CHST8: variants seen among roughly 807,000 people sequenced by gnomAD.
The protein encoded by CHST8 is carbohydrate sulfotransferase 8.
In CHST8, 10 loss-of-function variants were observed where a neutral mutation model predicts 15.0. The ratio of observed to expected loss-of-function variants is 0.67; its 90% CI spans 0.41 to 1.13. The LOEUF is 1.13. CHST8 is among the 50% of genes most tolerant of loss of function. The pLI is 0.00. For missense variants in CHST8, 634 were observed against 608.2 expected, an observed-to-expected ratio of 1.04 and a Z score of -0.45; for synonymous variants, 259 against 256.6, an observed-to-expected ratio of 1.01 and a Z score of -0.09.
At chr19:33,746,258 T>C (rs1016393784) in intron 3 of CHST8, among the ~76,000 whole-genome samples, 4 of 152,204 alleles carry the variant, frequency 2.6e-5, no homozygotes, top group Non-Finnish European at 5.9e-5. Context: ...AGAAAACACA[T>C]GCATTGTTTA....
Position 33,650,518 on chromosome 19 carries a change from C to CT in CHST8, c.-163-17220dup, listed in dbSNP as rs869057036. ...TTCTTTTTCTTTTTCTTTTTCTTTT[C>CT]TTTTTTTTTTTTTTTTTTTTTTTTT... On this transcript the variant is annotated intron_variant, in intron 1 of 4. Coordinates refer to ENST00000650847, the MANE Select transcript of CHST8 (RefSeq NM_001127895.2). 1.3e-3 allele frequency among the ~76,000 whole-genome samples: 46 copies of CT among 36,106 alleles called. 5 individuals are homozygous for CT. Among genetic ancestry groups the CT allele is most frequent in the East Asian group, 2.9e-3 (3 of 1,052 alleles). The allele number at this position is 36,106 out of a possible 152,430, so 23.7% of individuals were successfully genotyped here. A position where few individuals can be genotyped will look rare whatever the true frequency, so the allele number is the denominator to read the frequency against.
chr19:33,768,666 C>A (rs1207483020), intron 3 of CHST8, among the ~76,000 whole-genome samples: 1 of 152,020 alleles, frequency 6.6e-6, no homozygotes, highest in Non-Finnish European at 1.5e-5. Flanking sequence ...ATTGGCCAGG[C>A]TAGTCTCGAA....
chr19:33,723,835 C>G (rs1200450445), intron 3 of CHST8, among the ~76,000 whole-genome samples: 2 of 152,196 alleles, frequency 1.3e-5, no homozygotes, highest in East Asian at 3.9e-4. Context: ...GCCATTGTCA[C>G]CCCATTGTGT....
At chr19:33,650,060 A>G (rs181769872) in intron 1 of CHST8, among the ~76,000 whole-genome samples, 1 of 152,330 alleles carries the variant, frequency 6.6e-6, no homozygotes, top group East Asian at 1.9e-4. Context: ...TCTTACTGCC[A>G]CAAAGAGTCT....
Position 33,689,354 on chromosome 19 carries a change from G to A in CHST8, c.93G>A (p.Leu31=), listed in dbSNP as rs1973051839. Residue 31 remains leucine (L), a synonymous_variant, in exon 3 of 5, where the codon CTG becomes CTA. Transcript: ENST00000650847. ...CAGGCCTCCTCCTCTTCATCAGCCT[G>A]CAGGACCCTACGGAGCTCGCCCCCC... ...GAAGLLLFIS[L]QDPTELAPQQ... 1 of 1,608,044 alleles carries A rather than the reference G, an allele frequency of 6.2e-7. No homozygotes were observed. The highest frequency in any genetic ancestry group is 1.3e-5 in the African/African-American group (1 of 74,908).
chr19:33,682,524 C>A (rs1972908633), intron 2 of CHST8, among the ~76,000 whole-genome samples: 1 of 152,202 alleles, frequency 6.6e-6, no homozygotes, highest in African/African-American at 2.4e-5. Flanking sequence ...TTCATCATCC[C>A]AAACAGAGAC....
intron 3 of CHST8, among the ~76,000 whole-genome samples, chr19:33,725,810 G>A (rs1043781241): frequency 7.2e-5 from 11 of 152,316 alleles, no homozygotes; most frequent in East Asian, 1.9e-4. Flanking sequence ...TCATCTGGTC[G>A]TGGTGGGTGC....
At chr19:33,673,948 T>G (rs1972776893) in intron 2 of CHST8, among the ~76,000 whole-genome samples, 1 of 152,182 alleles carries the variant, frequency 6.6e-6, no homozygotes, top group African/African-American at 2.4e-5. Context: ...GATACGGGGT[T>G]TCGCCATGTT....
intron 3 of CHST8, among the ~76,000 whole-genome samples, chr19:33,702,303 T>C (rs2145279788): frequency 6.6e-6 from 1 of 152,106 alleles, no homozygotes; most frequent in East Asian, 1.9e-4. Context: ...TGTTTTAAGG[T>C]AAGGGGTCTT....
chr19:33,732,058 A>C (rs1054475033), intron 3 of CHST8, among the ~76,000 whole-genome samples: 1 of 152,184 alleles, frequency 6.6e-6, no homozygotes, highest in Non-Finnish European at 1.5e-5. Flanking sequence ...TCTGCCCTGC[A>C]TGAGCTTGGC....
rs554909512 is a variant in CHST8, at chr19:33,706,627, G to A, written c.130+17236G>A. Among the ~76,000 whole-genome samples the A allele has an allele frequency of 2.1e-4, 32 of 152,266 alleles. No homozygotes were observed. The South Asian group carries it at 6.4e-3, about 31-fold the overall frequency. ...GGGTGACAAATTGCCATTCCAGCAGGCACTCAGCAAAGCCAATTATTGTAA... is the reference window on the plus strand; with the variant it reads ...GGGTGACAAATTGCCATTCCAGCAGACACTCAGCAAAGCCAATTATTGTAA... On this transcript the variant is annotated intron_variant, in intron 3 of 4. Transcript: ENST00000650847.
intron 3 of CHST8, among the ~76,000 whole-genome samples, chr19:33,741,231 C>A (rs1213855285): frequency 6.6e-6 from 1 of 152,168 alleles, no homozygotes; most frequent in Non-Finnish European, 1.5e-5. Context: ...TCCTGCCAGG[C>A]CCTGACCAAG....
chr19:33,639,988 C>T (rs996871187), intron 1 of CHST8, among the ~76,000 whole-genome samples: 2 of 151,922 alleles, frequency 1.3e-5, no homozygotes, highest in South Asian at 2.1e-4. Context: ...TACAGGCATG[C>T]GCCACCATGC....
chr19:33,675,238 C>G (rs923095044), intron 2 of CHST8, among the ~76,000 whole-genome samples: 6 of 152,156 alleles, frequency 3.9e-5, no homozygotes, highest in Non-Finnish European at 4.4e-5. Context: ...TCCCCTCAGC[C>G]CCAGGCACAC....
intron 3 of CHST8, among the ~76,000 whole-genome samples, chr19:33,743,522 C>T (rs977756603): frequency 1.3e-5 from 2 of 151,968 alleles, no homozygotes; most frequent in African/African-American, 4.8e-5. Context: ...AGGATGGTCT[C>T]GATCTCCTGA....
At chr19:33,711,687 A>G (rs1367788280) in intron 3 of CHST8, among the ~76,000 whole-genome samples, 1 of 152,202 alleles carries the variant, frequency 6.6e-6, no homozygotes, top group African/African-American at 2.4e-5. Context: ...GCTGGAGTGC[A>G]GTGGCATGAT....
At chr19:33,671,731 CT>C (rs1188693776) in intron 2 of CHST8, among the ~76,000 whole-genome samples, 1 of 151,990 alleles carries the variant, frequency 6.6e-6, no homozygotes, top group Non-Finnish European at 1.5e-5. Flanking sequence ...TGTTTTTCTT[CT>C]GTCCTTAGTA....
chr19:33,749,720 G>C (rs909987310), intron 3 of CHST8, among the ~76,000 whole-genome samples: 5 of 152,108 alleles, frequency 3.3e-5, no homozygotes, highest in Non-Finnish European at 5.9e-5. Flanking sequence ...GGGTGCTAGA[G>C]GCCAGTGGGT....
At chr19:33,674,772 C>G (rs953429269) in intron 2 of CHST8, among the ~76,000 whole-genome samples, 1 of 152,200 alleles carries the variant, frequency 6.6e-6, no homozygotes, top group Non-Finnish European at 1.5e-5. Flanking sequence ...AAGGGAGCCT[C>G]ACTTTCCTCT....
Sources: allele counts gnomAD v4.1 joint callset (sites outside exome capture counted in the v4.1 genomes callset), GRCh38; gene constraint gnomAD v4.1.1; transcripts MANE v1.5; gene names NCBI Gene and HGNC (gene_info 2026-07-23, HGNC 2026-07-21).